The following ATXN1 variants were observed in gnomAD, a reference collection of about 807,000 sequenced individuals.
The protein encoded by ATXN1 is ataxin 1, also known as ataxin-1.
ATXN1 carries 8 observed loss-of-function variants against 56.4 expected under a neutral mutation model. The observed-to-expected ratio is 0.14, with a 90% CI of 0.08 to 0.26. ATXN1 has a LOEUF of 0.26. Ranked by LOEUF, ATXN1 falls within the 10% of genes least tolerant of loss-of-function variation. The pLI is 1.00. For synonymous variants in ATXN1, 514 were observed against 494.6 expected, an observed-to-expected ratio of 1.04 and a Z score of -0.52; for missense variants, 987 against 1,106.5, an observed-to-expected ratio of 0.89 and a Z score of 1.53.
At chr6:16,664,952 GA>G (rs1308149008) in intron 2 of ATXN1, among the ~76,000 whole-genome samples, 2 of 151,974 alleles carry the variant, frequency 1.3e-5, no homozygotes, top group East Asian at 1.9e-4. Context: ...ACATCTTTAT[GA>G]AAAAATAATT....
In ATXN1 at chr6:16,731,454, C is replaced by CTTTTTTTTTTTTTT. The variant is rs71559655; in HGVS notation, c.-615+21765_-615+21778dup. On this transcript the variant is annotated intron_variant, in intron 2 of 7. Coordinates refer to ENST00000436367, the MANE Select transcript of ATXN1 (RefSeq NM_001128164.2). ...ACGAGAGAGGCTTTTTTTTTCTTTTCTTTTTTTTTTTTTTTTTTTTTTTTT... is the reference window on the plus strand; with the variant it reads ...ACGAGAGAGGCTTTTTTTTTCTTTTCTTTTTTTTTTTTTTTTTTTTTTTTTTTTTTTTTTTTTTT... Among the ~76,000 whole-genome samples, 102 of 81,788 alleles carry CTTTTTTTTTTTTTT rather than the reference C, an allele frequency of 1.2e-3. 2 individuals are homozygous for CTTTTTTTTTTTTTT. Among genetic ancestry groups the CTTTTTTTTTTTTTT allele is most frequent in the Non-Finnish European group, 1.6e-3 (66 of 40,280 alleles). The allele number at this position is 81,788 out of a possible 152,430, so 53.7% of individuals were successfully genotyped here. A position where few individuals can be genotyped will look rare whatever the true frequency, so the allele number is the denominator to read the frequency against.
intron 3 of ATXN1, among the ~76,000 whole-genome samples, chr6:16,619,857 A>G (rs1306312102): frequency 2.6e-5 from 4 of 151,710 alleles, no homozygotes; most frequent in Non-Finnish European, 1.5e-5. Flanking sequence ...AGCCTGAGCA[A>G]CATAATGAGA....
chr6:16,712,801 CA>C (rs1759554871), intron 2 of ATXN1, among the ~76,000 whole-genome samples: 1 of 151,230 alleles, frequency 6.6e-6, no homozygotes, highest in Non-Finnish European at 1.5e-5. Context: ...GGCATCTCAT[CA>C]CTGATAAACA....
chr6:16,580,791 C>A (rs1762514072), intron 4 of ATXN1, among the ~76,000 whole-genome samples: 1 of 152,096 alleles, frequency 6.6e-6, no homozygotes, highest in Non-Finnish European at 1.5e-5. Context: ...GAATCTTTGA[C>A]CCTACATTTT....
intron 6 of ATXN1, among the ~76,000 whole-genome samples, chr6:16,375,119 C>T (rs368993200): frequency 6.6e-6 from 1 of 152,198 alleles, no homozygotes; most frequent in African/African-American, 2.4e-5. Flanking sequence ...GGCATTCTGC[C>T]CTCTCCCAGC....
intron 6 of ATXN1, among the ~76,000 whole-genome samples, chr6:16,415,755 C>T (rs918888184): frequency 6.6e-6 from 1 of 152,212 alleles, no homozygotes; most frequent in Non-Finnish European, 1.5e-5. Flanking sequence ...AAACTGAGTG[C>T]CACTTTTATT....
chr6:16,526,860 T>C (rs1382134638), intron 4 of ATXN1, among the ~76,000 whole-genome samples: 1 of 152,056 alleles, frequency 6.6e-6, no homozygotes, highest in Non-Finnish European at 1.5e-5. Flanking sequence ...TAGGGATGGC[T>C]AGATCAAGTA....
chr6:16,727,987 G>C (rs1759886755), intron 2 of ATXN1, among the ~76,000 whole-genome samples: 1 of 152,214 alleles, frequency 6.6e-6, no homozygotes, highest in African/African-American at 2.4e-5. Flanking sequence ...TGGGGAAGCT[G>C]CAAGGGCAGC....
At chr6:16,476,478 G>A (rs1420770958) in intron 6 of ATXN1, among the ~76,000 whole-genome samples, 4 of 150,926 alleles carry the variant, frequency 2.7e-5, no homozygotes, top group Non-Finnish European at 5.9e-5. Context: ...AAAGAATGAT[G>A]AGTATTTAAA....
chr6:16,520,582 T>C (rs979011545), intron 5 of ATXN1, among the ~76,000 whole-genome samples: 44 of 152,294 alleles, frequency 2.9e-4, no homozygotes, highest in African/African-American at 1.0e-3. Flanking sequence ...ATTTCTTCAC[T>C]TTCTCAAGGC....
At chr6:16,527,440 GA>G (rs1373416377) in intron 4 of ATXN1, among the ~76,000 whole-genome samples, 2 of 152,164 alleles carry the variant, frequency 1.3e-5, no homozygotes, top group Non-Finnish European at 2.9e-5. Flanking sequence ...CAGCAGCAAA[GA>G]AATGCCAAAG....
intron 5 of ATXN1, among the ~76,000 whole-genome samples, chr6:16,505,117 G>A (rs1760958881): frequency 6.6e-6 from 1 of 151,860 alleles, no homozygotes; most frequent in Non-Finnish European, 1.5e-5. Flanking sequence ...ACTGAGTGAG[G>A]GGCCCAAACT....
At chr6:16,683,699 T>G (rs1570488) in intron 2 of ATXN1, among the ~76,000 whole-genome samples, 1 of 152,098 alleles carries the variant, frequency 6.6e-6, no homozygotes, top group Non-Finnish European at 1.5e-5. Context: ...AACTTTGAAC[T>G]CCATTCTAGT....
Position 16,308,079 on chromosome 6 carries a change from G to A in ATXN1, c.1918-1220C>T, listed in dbSNP as rs186232846. ...TGAGGCAGGAGAATCGTTTGAGTCC[G>A]GGGGACGAAGGTTGCAGTGAGCCAA... On this transcript the variant is annotated intron_variant, in intron 7 of 7. Coordinates refer to ENST00000436367, the MANE Select transcript of ATXN1 (RefSeq NM_001128164.2). 2.1e-3 allele frequency among the ~76,000 whole-genome samples: 325 copies of A among 151,960 alleles called. 1 individual carries two copies. Among genetic ancestry groups the A allele is most frequent in the African/African-American group, 7.4e-3 (305 of 41,420 alleles).
chr6:16,387,956 G>A (rs560973110), intron 6 of ATXN1, among the ~76,000 whole-genome samples: 1 of 152,262 alleles, frequency 6.6e-6, no homozygotes, highest in South Asian at 2.1e-4. Flanking sequence ...CATAAATTCA[G>A]CCAGAGAGGA....
intron 2 of ATXN1, among the ~76,000 whole-genome samples, chr6:16,685,311 C>T (rs1163371523): frequency 6.6e-6 from 1 of 152,264 alleles, no homozygotes; most frequent in Non-Finnish European, 1.5e-5. Flanking sequence ...CACTGACATC[C>T]TCACGCCACC....
rs974033900 is a variant in ATXN1 at position 16,410,901 on chromosome 6, G to T, written c.-161+75071C>A. 6.6e-6 allele frequency among the ~76,000 whole-genome samples: 1 copy of T among 152,116 alleles called. No individual in the cohort carries two copies. Among genetic ancestry groups the T allele is most frequent in the Non-Finnish European group, 1.5e-5 (1 of 68,012 alleles). ...GCTCTTTGGGAGGCCAATGCAGGCG[G>T]ATCACTTGAGGCCAGGAGTTTGAGA... On this transcript the variant is annotated intron_variant, in intron 6 of 7. Transcript: ENST00000436367. The surrounding 1 kb of genome is among the most constrained non-coding windows in gnomAD (Gnocchi z 4.6).
intron 2 of ATXN1, among the ~76,000 whole-genome samples, chr6:16,699,772 A>G (rs997839310): frequency 1.4e-5 from 2 of 148,104 alleles, no homozygotes; most frequent in African/African-American, 5.3e-5. Context: ...CATGATTCTG[A>G]GTAAGAATCA....
intron 6 of ATXN1, among the ~76,000 whole-genome samples, chr6:16,418,030 C>T (rs1207385560): frequency 2.6e-5 from 4 of 152,118 alleles, no homozygotes; most frequent in Non-Finnish European, 5.9e-5. Flanking sequence ...GAAGGTAAAG[C>T]ATGTTGTTTG....
Sources: gnomAD v4.1 joint callset for allele counts (sites outside exome capture counted in the v4.1 genomes callset) on GRCh38, gnomAD v4.1.1 for gene constraint, Gnocchi (gnomAD v3.1) non-coding constraint, MANE v1.5 for transcripts, NCBI Gene and HGNC (gene_info 2026-07-23, HGNC 2026-07-21) for gene names.